Variants in SYT2 observed in about 807,000 individuals in gnomAD.
The protein encoded by SYT2 is synaptotagmin 2.
SYT2 carries 15 observed loss-of-function variants against 39.9 expected under a neutral mutation model. The observed-to-expected ratio is 0.38, with a 90% CI of 0.25 to 0.58. The LOEUF (loss-of-function observed/expected upper bound fraction) is 0.58, where lower values mean the gene tolerates loss of function less well. Ranked by LOEUF, SYT2 falls within the 20% of genes least tolerant of loss-of-function variation. The pLI is 0.70. For missense variants in SYT2, 389 were observed against 530.3 expected (o/e 0.73, Z 2.62); for synonymous variants, 181 against 204.5 (o/e 0.89, Z 0.98).
chr1:202,602,568 G>A (rs1215902457), intron 4 of SYT2, 23 bp from the exon 5 acceptor site: 1 of 1,603,114 alleles, frequency 6.2e-7, no homozygotes, highest in East Asian at 2.2e-5. Flanking sequence ...ATGGGGAGAA[G>A]GGGCCTGAGT....
chr1:202,643,657 C>G (rs1558445691), intron 1 of SYT2, among the ~76,000 whole-genome samples: 2 of 152,366 alleles, frequency 1.3e-5, no homozygotes, highest in South Asian at 2.1e-4. Context: ...CCTCCCTTCT[C>G]CAGTCCGGAC....
intron 1 of SYT2, among the ~76,000 whole-genome samples, chr1:202,675,964 T>C (rs928192952): frequency 3.3e-5 from 5 of 152,236 alleles, no homozygotes; most frequent in Non-Finnish European, 7.3e-5. Context: ...GGCGTTACTA[T>C]GTCTATTTTA....
intron 1 of SYT2, among the ~76,000 whole-genome samples, chr1:202,661,459 C>T (rs549676242): frequency 6.6e-6 from 1 of 152,294 alleles, no homozygotes; most frequent in African/African-American, 2.4e-5. Flanking sequence ...CAGCCTTGTC[C>T]CTTTGCATGA....
At chr1:202,664,722 C>T (rs373944041) in intron 1 of SYT2, among the ~76,000 whole-genome samples, 79 of 152,284 alleles carry the variant, frequency 5.2e-4, no homozygotes, top group African/African-American at 1.8e-3. Context: ...TGCAATGGCG[C>T]GATCTTGGCT....
At chr1:202,697,444 G>A (rs1049179246) in intron 1 of SYT2, among the ~76,000 whole-genome samples, 2 of 152,234 alleles carry the variant, frequency 1.3e-5, no homozygotes, top group Non-Finnish European at 1.5e-5. Context: ...TGTTTGCATC[G>A]GTACACGAAC....
At chr1:202,662,535 G>A (rs528779284) in intron 1 of SYT2, among the ~76,000 whole-genome samples, 6 of 152,224 alleles carry the variant, frequency 3.9e-5, no homozygotes, top group Non-Finnish European at 8.8e-5. Context: ...CCCTTCCACC[G>A]GCTCAGGTAC....
At chr1:202,685,113 G>A (rs1404360932) in intron 1 of SYT2, among the ~76,000 whole-genome samples, 1 of 152,126 alleles carries the variant, frequency 6.6e-6, no homozygotes, top group African/African-American at 2.4e-5. Context: ...GCCCTGTCCT[G>A]GCAAACCTGT....
chr1:202,610,218 A>G (rs922429192), intron 1 of SYT2, among the ~76,000 whole-genome samples: 1 of 152,146 alleles, frequency 6.6e-6, no homozygotes, highest in Non-Finnish European at 1.5e-5. Context: ...ATTATTTCTG[A>G]GGGCTCTGTT....
chr1:202,629,886 C>T (rs1327351481), intron 1 of SYT2, among the ~76,000 whole-genome samples: 7 of 85,730 alleles, frequency 8.2e-5, no homozygotes, highest in South Asian at 3.1e-4. Flanking sequence ...GGGGGTGGTA[C>T]GGCAGGTGTG....
At chr1:202,663,099 T>TG (rs5780116) in intron 1 of SYT2, among the ~76,000 whole-genome samples, 38,987 of 152,000 alleles carry the variant, frequency 0.26, 5,806 homozygotes, top group Middle Eastern at 0.36. Context: ...TATGAGTATG[T>TG]GGGGCAAGGG....
In SYT2 at chr1:202,617,900, C is replaced by T. The variant is rs1261959028; in HGVS notation, c.-17-12111G>A. On this transcript the variant is annotated intron_variant, in intron 1 of 8. Coordinates refer to ENST00000367268, the MANE Select transcript of SYT2 (RefSeq NM_177402.5). ...TTGTTGGGACGCTCACTTGTTTACG[C>T]ATTTTTTGTTGTTGTTGTTGTTGAG... 3.9e-5 allele frequency among the ~76,000 whole-genome samples: 6 copies of T among 152,288 alleles called. No individual in the cohort carries two copies. In the East Asian group the frequency reaches 1.2e-3, roughly 29 times the overall value.
At chr1:202,670,816 C>T (rs1692572486) in intron 1 of SYT2, among the ~76,000 whole-genome samples, 2 of 152,202 alleles carry the variant, frequency 1.3e-5, no homozygotes, top group South Asian at 2.1e-4. Flanking sequence ...TTGTTTGTCC[C>T]AGTCTGTTCT....
At chr1:202,605,394 A>C (rs1690666945) in intron 2 of SYT2, 1 of 468,626 alleles carries the variant, frequency 2.1e-6, no homozygotes, top group Non-Finnish European at 3.9e-6. Flanking sequence ...GTTGACGCAC[A>C]TAAACCCCCT....
intron 1 of SYT2, among the ~76,000 whole-genome samples, chr1:202,679,032 TGCAA>T (rs925338489): frequency 6.6e-6 from 1 of 152,182 alleles, no homozygotes; most frequent in African/African-American, 2.4e-5. Flanking sequence ...GCCTTGGCCA[TGCAA>T]GCATTTGCCA....
chr1:202,641,734 C>T (rs563785894), intron 1 of SYT2, among the ~76,000 whole-genome samples: 2 of 152,312 alleles, frequency 1.3e-5, no homozygotes, highest in Admixed American at 1.3e-4. Context: ...ATGAATGCAG[C>T]CCTGTCTGGA....
At chr1:202,686,038 C>T (rs533592197) in intron 1 of SYT2, among the ~76,000 whole-genome samples, 4 of 152,236 alleles carry the variant, frequency 2.6e-5, no homozygotes, top group Non-Finnish European at 4.4e-5. Flanking sequence ...GAGGACATGA[C>T]CCTGGGCCCC....
intron 1 of SYT2, among the ~76,000 whole-genome samples, chr1:202,648,855 G>A (rs905985438): frequency 6.6e-6 from 1 of 152,256 alleles, no homozygotes; most frequent in Admixed American, 6.5e-5. Flanking sequence ...GTCAGACAGA[G>A]AGACCCTCCA....
At chr1:202,603,918 G>C (rs960150937) in intron 3 of SYT2, among the ~76,000 whole-genome samples, 5 of 152,118 alleles carry the variant, frequency 3.3e-5, no homozygotes, top group African/African-American at 1.2e-4. Context: ...GCACACAGAG[G>C]CCTCTGCAAA....
chr1:202,691,761 G>A (rs1016531852), intron 1 of SYT2, among the ~76,000 whole-genome samples: 1 of 136,244 alleles, frequency 7.3e-6, no homozygotes, highest in Non-Finnish European at 1.6e-5. Context: ...GAGAGAGAGA[G>A]AGAGAGAGAG....
Sources: allele counts gnomAD v4.1 joint callset (sites outside exome capture counted in the v4.1 genomes callset), GRCh38; gene constraint gnomAD v4.1.1; transcripts MANE v1.5; gene names NCBI Gene and HGNC (gene_info 2026-07-23, HGNC 2026-07-21).